Variants in MPP7 observed in about 807,000 individuals in gnomAD.
MPP7 encodes MAGUK p55 scaffold protein 7, also known as MAGUK p55 subfamily member 7.
In MPP7, 60 loss-of-function variants were observed where a neutral mutation model predicts 76.5. The ratio of observed to expected loss-of-function variants is 0.78; its 90% CI spans 0.64 to 0.97. The LOEUF (loss-of-function observed/expected upper bound fraction) is 0.97, where lower values mean the gene tolerates loss of function less well. MPP7 is among the 50% of genes least tolerant of loss of function. The pLI is 0.00. For synonymous variants in MPP7, 237 were observed against 244.5 expected (o/e 0.97, Z 0.29); for missense variants, 641 against 694.0 (o/e 0.92, Z 0.86).
chr10:28,127,058 A>C (rs1363283764), intron 6 of MPP7, among the ~76,000 whole-genome samples: 1 of 152,174 alleles, frequency 6.6e-6, no homozygotes, highest in Non-Finnish European at 1.5e-5. Flanking sequence ...ATCAACCCCC[A>C]AAATAATATT....
intron 11 of MPP7, among the ~76,000 whole-genome samples, chr10:28,090,558 T>C (rs1055888977): frequency 2.6e-5 from 4 of 152,226 alleles, no homozygotes; most frequent in African/African-American, 7.2e-5. Flanking sequence ...CTCTCATTCA[T>C]GAACATGAAC....
At position 28,202,152 on chromosome 10, in the gene MPP7, C is replaced by T. The variant is rs1837792515; in HGVS notation, c.156+1G>A. The T allele has an allele frequency of 6.2e-7, 1 of 1,601,186 alleles. No homozygotes were observed. The highest frequency in any genetic ancestry group is 8.6e-7 in the Non-Finnish European group (1 of 1,168,588). On this transcript the variant is annotated splice_donor_variant, in intron 3 of 16. Coordinates refer to ENST00000683449, the MANE Select transcript of MPP7 (RefSeq NM_001318170.2). LOFTEE classifies it high-confidence loss of function. ...GAGAATCTGACATCAGCATGGTTTACCTTTACCAATGAATGCAGGCTTTTT... is the reference window on the plus strand; with the variant it reads ...GAGAATCTGACATCAGCATGGTTTATCTTTACCAATGAATGCAGGCTTTTT...
intron 2 of MPP7, among the ~76,000 whole-genome samples, chr10:28,226,960 T>C (rs1462600824): frequency 6.6e-6 from 1 of 152,168 alleles, no homozygotes; most frequent in Admixed American, 6.5e-5. Flanking sequence ...TAGCAGGTAT[T>C]TTACCTTACC....
At chr10:28,149,120 T>C (rs192029896) in intron 4 of MPP7, among the ~76,000 whole-genome samples, 49 of 152,342 alleles carry the variant, frequency 3.2e-4, no homozygotes, top group Non-Finnish European at 5.4e-4. Flanking sequence ...GCAAAGTAGT[T>C]CAAATAAAAT....
chr10:28,075,852 C>T (rs1410482380), intron 12 of MPP7, among the ~76,000 whole-genome samples: 2 of 152,096 alleles, frequency 1.3e-5, no homozygotes, highest in African/African-American at 4.8e-5. Context: ...TCTAACAGAC[C>T]GTGAGTTCTG....
At chr10:28,222,938 G>A (rs931159728) in intron 2 of MPP7, among the ~76,000 whole-genome samples, 1 of 148,742 alleles carries the variant, frequency 6.7e-6, no homozygotes, top group Admixed American at 6.7e-5. Flanking sequence ...TATAAAAATA[G>A]CTTGGCCAAG....
chr10:28,102,783 C>A (rs1386554280), intron 11 of MPP7, among the ~76,000 whole-genome samples: 1 of 152,214 alleles, frequency 6.6e-6, no homozygotes, highest in Admixed American at 6.5e-5. Flanking sequence ...ACCACCTCCA[C>A]AGATAATATC....
chr10:28,255,402 G>A (rs1053988800), intron 1 of MPP7, among the ~76,000 whole-genome samples: 2 of 150,250 alleles, frequency 1.3e-5, no homozygotes, highest in Admixed American at 6.7e-5. Flanking sequence ...GTGAGCCACC[G>A]CCTGGCCCAC....
At chr10:28,119,126 C>A (rs1834748673) in intron 11 of MPP7, 2 of 912,476 alleles carry the variant, frequency 2.2e-6, no homozygotes, top group Non-Finnish European at 2.6e-6. Context: ...GGTAGCCATC[C>A]TTTGTCTTTC....
At chr10:28,110,613 TA>T (rs1252588475) in intron 11 of MPP7, among the ~76,000 whole-genome samples, 8 of 152,186 alleles carry the variant, frequency 5.3e-5, no homozygotes, top group African/African-American at 1.9e-4. Context: ...AAAGAACTGA[TA>T]AAAACATTTG....
chr10:28,180,172 T>C (rs1210803136), intron 3 of MPP7, among the ~76,000 whole-genome samples: 2 of 152,184 alleles, frequency 1.3e-5, no homozygotes, highest in Non-Finnish European at 2.9e-5. Flanking sequence ...AATTGTGAAA[T>C]GTAGTAATGA....
chr10:28,312,134 G>T (rs754536029), intron 2 of MPP7, among the ~76,000 whole-genome samples: 1 of 152,132 alleles, frequency 6.6e-6, no homozygotes, highest in African/African-American at 2.4e-5. Flanking sequence ...CTTCCACAGC[G>T]TGAAAGGGTA....
At chr10:28,309,356 G>A (rs1356092484) in intron 2 of MPP7, among the ~76,000 whole-genome samples, 2 of 150,618 alleles carry the variant, frequency 1.3e-5, no homozygotes, top group Non-Finnish European at 2.9e-5. Context: ...GGAGGTTGCA[G>A]TGAGCCAAGA....
chr10:28,185,037 A>G (rs1268454649), intron 3 of MPP7, among the ~76,000 whole-genome samples: 1 of 147,876 alleles, frequency 6.8e-6, no homozygotes, highest in Non-Finnish European at 1.5e-5. Flanking sequence ...ATAATCATAA[A>G]TATATCATTG....
intron 2 of MPP7, among the ~76,000 whole-genome samples, chr10:28,209,752 CAAAT>C (rs1201894558): frequency 1.3e-5 from 2 of 152,132 alleles, no homozygotes; most frequent in Non-Finnish European, 2.9e-5. Flanking sequence ...CAACAAATGA[CAAAT>C]AAACAGTCTT....
At chr10:28,225,064 G>A (rs1277199078) in intron 2 of MPP7, among the ~76,000 whole-genome samples, 3 of 152,074 alleles carry the variant, frequency 2.0e-5, no homozygotes, top group Non-Finnish European at 2.9e-5. Context: ...AAAACTGGTA[G>A]TCACTAAATG....
At chr10:28,176,807 CA>C (rs759821090) in intron 3 of MPP7, among the ~76,000 whole-genome samples, 29 of 137,090 alleles carry the variant, frequency 2.1e-4, no homozygotes, top group Non-Finnish European at 4.4e-4. Context: ...TGTTCTCACT[CA>C]TAGGTGGGAA....
intron 2 of MPP7, among the ~76,000 whole-genome samples, chr10:28,227,480 C>T (rs983010436): frequency 2.6e-5 from 4 of 152,076 alleles, no homozygotes; most frequent in Admixed American, 6.6e-5. Context: ...CCCCAACCCC[C>T]GACAGGCTCC....
chr10:28,159,672 T>C (rs1407004134), intron 3 of MPP7, among the ~76,000 whole-genome samples: 1 of 152,162 alleles, frequency 6.6e-6, no homozygotes, highest in African/African-American at 2.4e-5. Flanking sequence ...TAAGTGTAGA[T>C]ACTCACTGAT....
Sources: allele counts gnomAD v4.1 joint callset (sites outside exome capture counted in the v4.1 genomes callset), GRCh38; gene constraint gnomAD v4.1.1; transcripts MANE v1.5; gene names NCBI Gene and HGNC (gene_info 2026-07-23, HGNC 2026-07-21).